SOX6: variants seen among roughly 807,000 people sequenced by gnomAD.
The protein encoded by SOX6 is SRY-box transcription factor 6, also known as transcription factor SOX-6.
Under a neutral mutation model 97.8 loss-of-function variants are expected in SOX6, and 11 were observed. The observed-to-expected ratio is 0.11, with a 90% CI of 0.07 to 0.19. The LOEUF is 0.19. SOX6 is among the 10% of genes least tolerant of loss of function. The pLI is 1.00. For missense variants in SOX6, 810 were observed against 1,039.5 expected, an observed-to-expected ratio of 0.78 and a Z score of 3.04; for synonymous variants, 360 against 371.4, an observed-to-expected ratio of 0.97 and a Z score of 0.35.
intron 1 of SOX6, among the ~76,000 whole-genome samples, chr11:16,424,992 C>A (rs1488370333): frequency 6.6e-6 from 1 of 152,192 alleles, no homozygotes; most frequent in Non-Finnish European, 1.5e-5. Context: ...AGAAAAAAAA[C>A]TTCCAGGCCC....
intron 4 of SOX6, among the ~76,000 whole-genome samples, chr11:16,594,320 A>G (rs1463362622): frequency 6.6e-6 from 1 of 152,330 alleles, no homozygotes; most frequent in South Asian, 2.1e-4. Context: ...GTAAAATTAC[A>G]CAAACCTATA....
intron 4 of SOX6, among the ~76,000 whole-genome samples, chr11:16,504,335 A>G (rs1860752052): frequency 6.6e-6 from 1 of 152,138 alleles, no homozygotes; most frequent in Admixed American, 6.5e-5. Flanking sequence ...TCTTACATCT[A>G]GAAAAATCTT....
In SOX6 at chr11:16,497,986, G is replaced by A. The variant is rs4576784; in HGVS notation, n.610-21598C>T. Among the ~76,000 whole-genome samples, 98 of 152,024 alleles carry A rather than the reference G, an allele frequency of 6.4e-4. 1 individual carries two copies. The highest frequency in any genetic ancestry group is 2.1e-3 in the African/African-American group (86 of 41,450). On this transcript the variant is annotated intron_variant and non_coding_transcript_variant, in intron 4 of 5. Transcript: ENST00000524520. ...AGAGAATGCCACAAAGATACTCCTC[G>A]AGAAGAGCAACTCCAAGACACATAA...
At chr11:16,109,551 G>A (rs949275254) in intron 7 of SOX6, among the ~76,000 whole-genome samples, 7 of 152,072 alleles carry the variant, frequency 4.6e-5, no homozygotes, top group Admixed American at 6.6e-5. Flanking sequence ...GGGGCAAAAA[G>A]AAGTTGTATT....
At chr11:16,158,493 A>T (rs926054744) in intron 6 of SOX6, among the ~76,000 whole-genome samples, 22 of 152,044 alleles carry the variant, frequency 1.4e-4, no homozygotes, top group African/African-American at 5.3e-4. Flanking sequence ...TAATTTATAT[A>T]TAAAAATCAT....
intron 1 of SOX6, among the ~76,000 whole-genome samples, chr11:16,463,643 C>T (rs917796487): frequency 6.6e-6 from 1 of 152,202 alleles, no homozygotes; most frequent in African/African-American, 2.4e-5. Context: ...AGACCCTCGA[C>T]TGTCTATTCT....
At chr11:16,710,338 G>A (rs910173537) in intron 3 of SOX6, among the ~76,000 whole-genome samples, 6 of 152,188 alleles carry the variant, frequency 3.9e-5, no homozygotes, top group Non-Finnish European at 8.8e-5. Context: ...CCCCACGTGA[G>A]AAGTACCTTT....
At chr11:16,666,771 G>A (rs1177544160) in intron 3 of SOX6, among the ~76,000 whole-genome samples, 1 of 152,020 alleles carries the variant, frequency 6.6e-6, no homozygotes, top group African/African-American at 2.4e-5. Context: ...ACACCAACCT[G>A]GATGACAGAG....
intron 1 of SOX6, chr11:16,434,395 A>G (rs1242125838): frequency 6.6e-6 from 1 of 152,176 alleles, no homozygotes; most frequent in Non-Finnish European, 1.5e-5. Context: ...CAGGCACAAG[A>G]GACAGACTAG....
At chr11:16,737,154 A>G (rs1010548033) in intron 1 of SOX6, among the ~76,000 whole-genome samples, 1 of 152,214 alleles carries the variant, frequency 6.6e-6, no homozygotes, top group African/African-American at 2.4e-5. Flanking sequence ...TGTTTCACAG[A>G]CTGCTCTCAG....
At chr11:16,564,716 CA>C (rs1847850428) in intron 4 of SOX6, among the ~76,000 whole-genome samples, 2 of 151,184 alleles carry the variant, frequency 1.3e-5, no homozygotes, top group South Asian at 2.1e-4. Context: ...ATCCATGAGT[CA>C]AAAAAAATTT....
chr11:16,121,889 C>G (rs1849503129), intron 6 of SOX6, among the ~76,000 whole-genome samples: 1 of 151,946 alleles, frequency 6.6e-6, no homozygotes, highest in Non-Finnish European at 1.5e-5. Context: ...TATCTACTAC[C>G]TTTTCAATCC....
At chr11:16,184,003 T>A in intron 5 of SOX6, 49 bp from the exon 6 acceptor site, 1 of 1,473,812 alleles carries the variant, frequency 6.8e-7, no homozygotes, top group South Asian at 1.1e-5. Context: ...CTTACACCTC[T>A]GCCATTACCT....
chr11:16,141,309 C>A (rs1192943643), intron 6 of SOX6, among the ~76,000 whole-genome samples: 1 of 152,044 alleles, frequency 6.6e-6, no homozygotes, highest in Non-Finnish European at 1.5e-5. Context: ...ATCTGAGTGC[C>A]TAAAAAGGCG....
chr11:15,978,114 T>G (rs1853546405), intron 15 of SOX6, among the ~76,000 whole-genome samples: 1 of 152,128 alleles, frequency 6.6e-6, no homozygotes. Flanking sequence ...AATCATTAAT[T>G]TTTTATAGAA....
intron 3 of SOX6, among the ~76,000 whole-genome samples, chr11:16,685,593 G>A (rs1847962757): frequency 6.6e-6 from 1 of 152,232 alleles, no homozygotes; most frequent in Admixed American, 6.5e-5. Context: ...CAAGGCCTTG[G>A]ACAGCTCCAC....
At chr11:16,002,590 A>G (rs188993655) in intron 13 of SOX6, among the ~76,000 whole-genome samples, 1 of 151,582 alleles carries the variant, frequency 6.6e-6, no homozygotes, top group East Asian at 1.9e-4. Context: ...AGGAGGGCCT[A>G]CAAGCTGTTG....
At chr11:16,119,650 G>A (rs1258572259) in intron 6 of SOX6, among the ~76,000 whole-genome samples, 1 of 152,146 alleles carries the variant, frequency 6.6e-6, no homozygotes, top group Non-Finnish European at 1.5e-5. Context: ...CAATGGCTGA[G>A]AGCCAACCAA....
chr11:16,059,946 T>C (rs1308004698), intron 9 of SOX6, among the ~76,000 whole-genome samples: 2 of 151,994 alleles, frequency 1.3e-5, no homozygotes, highest in Admixed American at 1.3e-4. Context: ...ATGTTGACTA[T>C]ATAGTCCTGT....
Sources: gnomAD v4.1 joint callset for allele counts (sites outside exome capture counted in the v4.1 genomes callset) on GRCh38, gnomAD v4.1.1 for gene constraint, MANE v1.5 for transcripts, NCBI Gene and HGNC (gene_info 2026-07-23, HGNC 2026-07-21) for gene names.